The following ENO4 variants were observed in gnomAD, a reference collection of about 807,000 sequenced individuals.
ENO4 encodes the protein enolase 4, also known as 2-phospho-D-glycerate hydro-lyase.
In ENO4, 53 loss-of-function variants were observed where a neutral mutation model predicts 63.2. The ratio of observed to expected loss-of-function variants is 0.84; its 90% CI spans 0.67 to 1.05. The LOEUF (loss-of-function observed/expected upper bound fraction) is 1.05, where lower values mean the gene tolerates loss of function less well. Ranked by LOEUF, ENO4 falls within the 50% of genes least tolerant of loss-of-function variation. ENO4 has a pLI of 0.00. For synonymous variants in ENO4, 266 were observed against 283.8 expected, an observed-to-expected ratio of 0.94 and a Z score of 0.63; for missense variants, 719 against 772.0, an observed-to-expected ratio of 0.93 and a Z score of 0.81.
chr10:116,906,788 TAATAC>T (rs1847986619), intron 10 of ENO4: 2 of 1,496,294 alleles, frequency 1.3e-6, no homozygotes, highest in African/African-American at 1.4e-5. Flanking sequence ...GTTAATGTCT[TAATAC>T]AATATACAAA....
At chr10:116,899,436 C>T (rs1847640463) in intron 10 of ENO4, among the ~76,000 whole-genome samples, 1 of 151,022 alleles carries the variant, frequency 6.6e-6, no homozygotes, top group Non-Finnish European at 1.5e-5. Context: ...AGCGAAGGGC[C>T]TAGGGTGAAG....
Position 116,881,614 on chromosome 10 carries a change from C to A in ENO4, c.1823C>A (p.Thr608Asn). 1 of 1,550,470 alleles carries A rather than the reference C, an allele frequency of 6.4e-7. No individual in the cohort carries two copies. Residue 608 changes from threonine to asparagine, a missense_variant, in exon 14 of 14, where the codon ACC (threonine) becomes AAC (asparagine). Around this residue, in one of 3 missense-constraint regions of ENO4, gnomAD observed 168 missense variants for 163.3 expected, o/e 1.03. Transcript: ENST00000341276. Reference protein sequence around the residue: ...AAAAREPLVPTFPTQGVEESA... With the variant: ...AAAAREPLVPNFPTQGVEESA... ...GCGGCTAGGGAGCCGCTGGTGCCCA[C>A]CTTCCCCACACAAGGTGTAGAGGAA... is the stretch of plus-strand genomic sequence containing the variant.
Position 116,874,020 on chromosome 10 carries a change from G to T in ENO4, c.1216-56G>T, listed in dbSNP as rs1846766208. 7 of 1,469,866 alleles carry T rather than the reference G, an allele frequency of 4.8e-6. No individual in the cohort carries two copies. The East Asian group carries it at 1.5e-4, about 32-fold the overall frequency. 91.1% of individuals were successfully genotyped at this position (1,469,866 alleles called of 1,614,324 possible). On this transcript the variant is annotated intron_variant, in intron 9 of 13. Transcript: ENST00000341276. The stretch of plus-strand genomic sequence containing the variant: ...AAACGAATCTGAACCGTATCTTTGG[G>T]ATTTGATGAATTCATTATTTATCCC...
chr10:116,890,318 A>C (rs1407682407), intron 10 of ENO4, among the ~76,000 whole-genome samples: 1 of 152,218 alleles, frequency 6.6e-6, no homozygotes, highest in Non-Finnish European at 1.5e-5. Flanking sequence ...TTATAAATTA[A>C]AACTAAAATC....
At chr10:116,870,201 GCC>G (rs1846651608) in intron 8 of ENO4, among the ~76,000 whole-genome samples, 1 of 152,160 alleles carries the variant, frequency 6.6e-6, no homozygotes, top group Non-Finnish European at 1.5e-5. Flanking sequence ...CTTACCTTAA[GCC>G]CTCAGATTCA....
At chr10:116,895,101 T>A (rs1211682202) in intron 10 of ENO4, among the ~76,000 whole-genome samples, 1 of 152,216 alleles carries the variant, frequency 6.6e-6, no homozygotes, top group Non-Finnish European at 1.5e-5. Context: ...ATAAAATGTA[T>A]TTGGTGCTTT....
chr10:116,909,409 T>C (rs902665214), intron 10 of ENO4, among the ~76,000 whole-genome samples: 1 of 152,186 alleles, frequency 6.6e-6, no homozygotes, highest in Admixed American at 6.5e-5. Flanking sequence ...TTGCTTTTAG[T>C]TCTTTGATTT....
rs1288988121 is a variant in ENO4 at position 116,859,102 on chromosome 10, C to G, written c.598C>G (p.Pro200Ala). The change falls in exon 4 of 14, where the codon CCT becomes GCT. Residue 200 changes from proline (P) to alanine (A), a missense_variant. By Grantham distance (27) the Pro-to-Ala change is conservative (BLOSUM62 -1). Around this residue, in one of 3 missense-constraint regions of ENO4, gnomAD observed 544 missense variants for 583.6 expected, o/e 0.93. Transcript: ENST00000341276. Reference protein sequence around the residue: ...PLPPVPPPPPPPPPTKKKGQK... With the variant: ...PLPPVPPPPPAPPPTKKKGQK... ...ACCTCCAGTACCACCACCACCACCC[C>G]CTCCACCTCCTACCAAAAAAAAGGG... is the stretch of plus-strand genomic sequence containing the variant. The G allele has an allele frequency of 9.8e-6, 15 of 1,533,194 alleles. No individual in the cohort carries two copies. Among genetic ancestry groups the G allele is most frequent in the African/African-American group, 1.4e-5 (1 of 72,942 alleles). 95.0% of individuals were successfully genotyped at this position (1,533,194 alleles called of 1,614,324 possible).
chr10:116,885,827 A>G (rs757570552), downstream of ENO4: 18 of 154,216 alleles, frequency 1.2e-4, no homozygotes, highest in Non-Finnish European at 2.4e-4. Context: ...TTTTCAGTTT[A>G]TCTCAGTCTA....
At chr10:116,880,501 G>A (rs1009639777) in intron 13 of ENO4, among the ~76,000 whole-genome samples, 1 of 152,206 alleles carries the variant, frequency 6.6e-6, no homozygotes, top group African/African-American at 2.4e-5. Context: ...GGTAACTAGA[G>A]AGAAACACAC....
intron 10 of ENO4, among the ~76,000 whole-genome samples, chr10:116,905,602 T>G (rs939849776): frequency 1.3e-5 from 2 of 152,204 alleles, no homozygotes; most frequent in Non-Finnish European, 2.9e-5. Context: ...TAAATCTCTC[T>G]CTGAACATGA....
At chr10:116,868,393 A>G (rs754178374) in intron 7 of ENO4, among the ~76,000 whole-genome samples, 17 of 152,236 alleles carry the variant, frequency 1.1e-4, no homozygotes, top group Non-Finnish European at 2.5e-4. Context: ...CACACACCCC[A>G]TATATGTGAC....
intron 10 of ENO4, among the ~76,000 whole-genome samples, chr10:116,890,951 A>G (rs528439530): frequency 6.6e-6 from 1 of 152,356 alleles, no homozygotes; most frequent in South Asian, 2.1e-4. Flanking sequence ...TTCAAAATCA[A>G]CTTTCCACGT....
intron 10 of ENO4, among the ~76,000 whole-genome samples, chr10:116,895,053 G>T (rs1847468151): frequency 6.6e-6 from 1 of 152,096 alleles, no homozygotes; most frequent in African/African-American, 2.4e-5. Flanking sequence ...CAAACATGAA[G>T]CTCTCTTAAA....
intron 4 of ENO4, among the ~76,000 whole-genome samples, chr10:116,859,940 A>G (rs1846365836): frequency 6.6e-6 from 1 of 152,198 alleles, no homozygotes; most frequent in Non-Finnish European, 1.5e-5. Flanking sequence ...AGACAAAATA[A>G]TTATGTTTGA....
At chr10:116,890,624 G>A (rs958257300) in intron 10 of ENO4, among the ~76,000 whole-genome samples, 4 of 152,314 alleles carry the variant, frequency 2.6e-5, no homozygotes, top group Admixed American at 6.5e-5. Flanking sequence ...TAAAAGCTAC[G>A]AGAAATATAC....
chr10:116,861,199 C>T lies in ENO4; in HGVS notation c.936+9C>T. ...AATTAACAACCAAACAAGTACCTTACATTATCTTAAATTACCTTTTCTAAA... is the reference window on the plus strand; with the variant it reads ...AATTAACAACCAAACAAGTACCTTATATTATCTTAAATTACCTTTTCTAAA... On this transcript the variant is annotated intron_variant, in intron 6 of 13. Coordinates refer to ENST00000341276, the MANE Select transcript of ENO4 (RefSeq NM_001242699.2). 2 of 1,181,408 alleles carry T rather than the reference C, an allele frequency of 1.7e-6. No homozygotes were observed. The highest frequency in any genetic ancestry group is 2.2e-6 in the Non-Finnish European group (2 of 913,470). 73.2% of individuals were successfully genotyped at this position (1,181,408 alleles called of 1,614,324 possible).
chr10:116,850,011 T>G, intron 1 of ENO4: 1 of 599,762 alleles, frequency 1.7e-6, no homozygotes, highest in Non-Finnish European at 3.0e-6. Flanking sequence ...GCTGGCAGGC[T>G]TCCTCGCTGC....
Position 116,881,966 on chromosome 10 carries a change from T to G in ENO4, c.*297T>G. ...AGAGGCCAATATTTTTGTTGCCAAC[T>G]CCACACTCAGTCAAACACCCCATCC... On this transcript the variant is annotated 3_prime_UTR_variant, in exon 14 of 14. Transcript: ENST00000341276. 2 of 253,462 alleles carry G rather than the reference T, an allele frequency of 7.9e-6. No individual in the cohort carries two copies. The highest frequency in any genetic ancestry group is 2.9e-4 in the South Asian group (2 of 6,812). The allele number at this position is 253,462 out of a possible 1,614,324, so 15.7% of individuals were successfully genotyped here. A position where few individuals can be genotyped will look rare whatever the true frequency, so the allele number is the denominator to read the frequency against.
Sources: gnomAD v4.1 joint callset for allele counts (sites outside exome capture counted in the v4.1 genomes callset) on GRCh38, gnomAD v4.1.1 for gene constraint, gnomAD v4.1.1 regional missense constraint, MANE v1.5 for transcripts, NCBI Gene and HGNC (gene_info 2026-07-23, HGNC 2026-07-21) for gene names.